Variants in FKBP15 observed in about 807,000 individuals in gnomAD.
The protein encoded by FKBP15 is FKBP prolyl isomerase family member 15.
A neutral mutation model predicts 158.1 loss-of-function variants in FKBP15; 106 were observed. The ratio of observed to expected loss-of-function variants is 0.67; its 90% CI spans 0.57 to 0.79. The LOEUF is 0.79. Ranked by LOEUF, FKBP15 falls within the 30% of genes least tolerant of loss-of-function variation. The pLI is 0.00. For missense variants in FKBP15, 1,287 were observed against 1,479.1 expected (o/e 0.87, Z 2.13); for synonymous variants, 547 against 548.6 (o/e 1.00, Z 0.04).
intron 11 of FKBP15, among the ~76,000 whole-genome samples, chr9:113,191,630 A>ATT (rs914524756): frequency 4.4e-4 from 66 of 148,404 alleles, no homozygotes; most frequent in Middle Eastern, 3.6e-3. Flanking sequence ...AAGATTCTGC[A>ATT]TTATATATAT....
intron 4 of FKBP15, chr9:113,206,247 C>A (rs1296726303): frequency 2.2e-5 from 11 of 500,434 alleles, no homozygotes; most frequent in Non-Finnish European, 3.2e-5. Context: ...AACAAACAAA[C>A]AAAAAAATGC....
intron 15 of FKBP15, among the ~76,000 whole-genome samples, chr9:113,185,896 A>G (rs1346156366): frequency 6.6e-6 from 1 of 152,166 alleles, no homozygotes; most frequent in Non-Finnish European, 1.5e-5. Flanking sequence ...TTGCTCTTTT[A>G]CTATTTTCTC....
intron 19 of FKBP15, among the ~76,000 whole-genome samples, chr9:113,181,581 A>G (rs1481917282): frequency 6.6e-6 from 1 of 152,202 alleles, no homozygotes; most frequent in African/African-American, 2.4e-5. Context: ...TTCGGGATTT[A>G]AGAATATCTA....
rs1221892418 is a variant in FKBP15 at position 113,183,858 on chromosome 9, T to C, written c.1717-13A>G. 3 of 1,588,632 alleles carry C rather than the reference T, an allele frequency of 1.9e-6. No individual in the cohort carries two copies. The highest frequency in any genetic ancestry group is 8.6e-7 in the Non-Finnish European group (1 of 1,157,734). ...ATCTTTCATTTTCCTAATTTCAAAATATATGATGTACAATTTAAGTGTCTT... is the reference window on the plus strand; with the variant it reads ...ATCTTTCATTTTCCTAATTTCAAAACATATGATGTACAATTTAAGTGTCTT... On this transcript the variant is annotated splice_polypyrimidine_tract_variant and intron_variant, in intron 17 of 27. Transcript: ENST00000238256.
intron 12 of FKBP15, among the ~76,000 whole-genome samples, chr9:113,189,806 T>A (rs954561687): frequency 3.9e-5 from 6 of 152,142 alleles, no homozygotes; most frequent in African/African-American, 1.4e-4. Context: ...TAGAGAAGAA[T>A]TAAGTTAAAA....
At chr9:113,208,266 G>C (rs1436453983) in intron 2 of FKBP15, among the ~76,000 whole-genome samples, 3 of 152,126 alleles carry the variant, frequency 2.0e-5, no homozygotes, top group Non-Finnish European at 4.4e-5. Context: ...GAGCCTGGGA[G>C]GCAGAGGTTG....
chr9:113,213,087 A>G (rs1831045453), intron 1 of FKBP15, among the ~76,000 whole-genome samples: 1 of 152,120 alleles, frequency 6.6e-6, no homozygotes, highest in African/African-American at 2.4e-5. Context: ...TTACAAAAAA[A>G]TATACAGAAA....
At chr9:113,186,949 G>A (rs1445291314) in intron 14 of FKBP15, 1 of 152,270 alleles carries the variant, frequency 6.6e-6, no homozygotes, top group African/African-American at 2.4e-5. Context: ...TTACAGGCCT[G>A]ACAGATAGTA....
intron 10 of FKBP15, 24 bp downstream of exon 10, chr9:113,194,003 C>A: frequency 6.3e-7 from 1 of 1,581,500 alleles, no homozygotes; most frequent in Non-Finnish European, 8.6e-7. Flanking sequence ...CATAAAAGAG[C>A]TTGATACAAC....
At chr9:113,170,480 A>G (rs1830186009) in intron 25 of FKBP15, 42 bp downstream of exon 25, 3 of 1,381,178 alleles carry the variant, frequency 2.2e-6, no homozygotes, top group Non-Finnish European at 3.1e-6. Flanking sequence ...AAGCAACAAA[A>G]TGCCCAATAC....
rs1001185470 is a variant in FKBP15, at chr9:113,161,047, A to G, written c.*5031T>C. On this transcript the variant is annotated 3_prime_UTR_variant, in exon 28 of 28. Transcript: ENST00000238256. ...ATTTATTGGGTTTTTCCCCTATTAT[A>G]AAAGTAATATATATAAAAGAAACCT... is the stretch of plus-strand genomic sequence containing the variant. The G allele has an allele frequency of 6.5e-6, 1 of 152,896 alleles. No homozygotes were observed. Among genetic ancestry groups the G allele is most frequent in the Non-Finnish European group, 1.5e-5 (1 of 68,536 alleles). 9.5% of individuals were successfully genotyped at this position (152,896 alleles called of 1,614,324 possible). A position where few individuals can be genotyped will look rare whatever the true frequency, so the allele number is the denominator to read the frequency against.
At chr9:113,215,892 C>T (rs553776253) in intron 1 of FKBP15, among the ~76,000 whole-genome samples, 1 of 150,956 alleles carries the variant, frequency 6.6e-6, no homozygotes, top group African/African-American at 2.4e-5. Flanking sequence ...CTCAAGTGAT[C>T]CACCCGCCTC....
Position 113,169,391 on chromosome 9 carries a change from G to A in FKBP15, c.3318C>T (p.Asp1106=). The stretch of plus-strand genomic sequence containing the variant: ...GGCTTTCAGGCCCTAAGGCCAGTGG[G>A]TCCCCCTCCTCGGGGTCTGAAGTCA... ...LSLTSDPEEG[D]PLALGPESPG... Residue 1106 remains aspartate (D), a synonymous_variant, in exon 26 of 28, where the codon GAC becomes GAT. Coordinates refer to ENST00000238256, the MANE Select transcript of FKBP15 (RefSeq NM_015258.2). 6.2e-7 allele frequency: 1 copy of A among 1,614,048 alleles called. No individual in the cohort carries two copies. Among genetic ancestry groups the A allele is most frequent in the Non-Finnish European group, 8.5e-7 (1 of 1,179,898 alleles).
chr9:113,167,013 A>G (rs1830109199), intron 27 of FKBP15, among the ~76,000 whole-genome samples: 1 of 151,930 alleles, frequency 6.6e-6, no homozygotes, highest in African/African-American at 2.4e-5. Context: ...TGTGTATACA[A>G]GTCTCTGGGC....
chr9:113,161,856 G>A lies in FKBP15; in HGVS notation c.*4222C>T. 1 of 783,914 alleles carries A rather than the reference G, an allele frequency of 1.3e-6. No homozygotes were observed. The highest frequency in any genetic ancestry group is 1.7e-5 in the African/African-American group (1 of 58,822). The allele number at this position is 783,914 out of a possible 1,614,324, so 48.6% of individuals were successfully genotyped here. A position where few individuals can be genotyped will look rare whatever the true frequency, so the allele number is the denominator to read the frequency against. On this transcript the variant is annotated 3_prime_UTR_variant, in exon 28 of 28. Transcript: ENST00000238256. ...TGGCTACACATAGCCAAGTGAACTA[G>A]AGCTCATGTCTCCTGATGCCCAGGC...
In FKBP15 at chr9:113,169,855, GC is replaced by G; in HGVS notation, c.2853del (p.Pro952HisfsTer21). 1 of 1,552,480 alleles carries G rather than the reference GC, an allele frequency of 6.4e-7. No homozygotes were observed. Among genetic ancestry groups the G allele is most frequent in the Non-Finnish European group, 8.7e-7 (1 of 1,147,746 alleles). ...GACTGCTCCTGGGAAGGTCTTCGTG[GC>G]CGCTCTTCTGCTTTTTCTTCTTCTT... The part of the protein sequence containing the change: ...SEEEEEKAEE[R>X]PRRPSQEQSA... On this transcript the variant is annotated frameshift_variant, in exon 26 of 28. Transcript: ENST00000238256. LOFTEE classifies it high-confidence loss of function.
intron 26 of FKBP15, 139 bp downstream of exon 26, chr9:113,169,085 G>T: frequency 8.1e-7 from 1 of 1,236,150 alleles, no homozygotes; most frequent in Non-Finnish European, 1.1e-6. Context: ...GGTAGGTGTT[G>T]TTGAATTAAT....
intron 19 of FKBP15, 108 bp from the exon 20 acceptor site, chr9:113,178,909 T>G (rs1830344509): frequency 1.4e-5 from 16 of 1,129,368 alleles, no homozygotes; most frequent in Non-Finnish European, 1.7e-5. Flanking sequence ...AACAGGGAGT[T>G]ATGGCTGCCT....
chr9:113,215,624 G>GTGTA (rs1482678973), intron 1 of FKBP15, among the ~76,000 whole-genome samples: 3 of 93,920 alleles, frequency 3.2e-5, no homozygotes, highest in Admixed American at 1.1e-4. Flanking sequence ...GTGTGTGTGT[G>GTGTA]TATATATATA....
Sources: gnomAD v4.1 joint callset for allele counts (sites outside exome capture counted in the v4.1 genomes callset) on GRCh38, gnomAD v4.1.1 for gene constraint, MANE v1.5 for transcripts, NCBI Gene and HGNC (gene_info 2026-07-23, HGNC 2026-07-21) for gene names.